The following ACKR5 variants were observed in gnomAD, a reference collection of about 807,000 sequenced individuals.
The protein encoded by ACKR5 is atypical chemokine receptor 5.
the ACKR5 span, chr12:56,996,747 A>C: frequency 6.9e-6 from 2 of 288,826 alleles, no homozygotes; most frequent in Non-Finnish European, 1.3e-5. Flanking sequence ...GAGGCTAAAG[A>C]GGTGCTCGGC....
At chr12:56,995,405 G>T in the ACKR5 span, 4 of 1,614,100 alleles carry the variant, frequency 2.5e-6, no homozygotes, top group East Asian at 2.2e-5. The surrounding 1 kb of genome is among the most constrained non-coding windows in gnomAD (Gnocchi z 4.7). Context: ...CATGTTTGTG[G>T]TTGGGCTGGT....
the ACKR5 span, chr12:56,996,759 G>A: frequency 3.9e-6 from 1 of 256,310 alleles, no homozygotes; most frequent in Non-Finnish European, 7.4e-6. Context: ...GTGCTCGGCA[G>A]AGGAAACTAG....
At chr12:56,995,366 C>A in the ACKR5 span, 2 of 1,614,210 alleles carry the variant, frequency 1.2e-6, no homozygotes, top group Non-Finnish European at 1.7e-6. The surrounding 1 kb of genome is among the most constrained non-coding windows in gnomAD (Gnocchi z 4.7). Flanking sequence ...GAGCACCAAG[C>A]GCGTGGTCCT....
chr12:56,994,757 C>CGTGT, the ACKR5 span: 2 of 176,898 alleles, frequency 1.1e-5, no homozygotes, highest in Non-Finnish European at 2.4e-5. Flanking sequence ...GTGTGGTGTG[C>CGTGT]GTGTGTGTGT....
chr12:56,995,894 C>A, the ACKR5 span: 1 of 1,612,204 alleles, frequency 6.2e-7, no homozygotes. The surrounding 1 kb of genome is among the most constrained non-coding windows in gnomAD (Gnocchi z 4.7). Context: ...GGGCTTCCTG[C>A]TGCCCTTCCC....
chr12:56,996,469 G>A, the ACKR5 span: 1 of 1,516,960 alleles, frequency 6.6e-7, no homozygotes, highest in Non-Finnish European at 8.8e-7. Flanking sequence ...AGGCACAGGT[G>A]AGAGTATAGG....
chr12:56,997,601 T>A, the ACKR5 span: 4 of 152,348 alleles, frequency 2.6e-5, no homozygotes, highest in Admixed American at 2.6e-4. Context: ...ACCCTGTCCA[T>A]GAAGAACTCT....
At chr12:56,996,245 G>A in the ACKR5 span, 1 of 1,614,142 alleles carries the variant, frequency 6.2e-7, no homozygotes, top group Non-Finnish European at 8.5e-7. Context: ...CCAGACCAAG[G>A]CGGGCACATG....
the ACKR5 span, chr12:56,998,372 A>G: frequency 6.6e-6 from 1 of 152,162 alleles, no homozygotes; most frequent in Non-Finnish European, 1.5e-5. Context: ...ATCACTCCCT[A>G]ACTTCTTGAG....
At chr12:56,995,424 T>G in the ACKR5 span, 1 of 1,614,190 alleles carries the variant, frequency 6.2e-7, no homozygotes, top group Non-Finnish European at 8.5e-7. This position sits in a 1 kb window ranked among gnomAD's most constrained non-coding sequence, Gnocchi z 4.7. Context: ...GTGGAGAACC[T>G]CCTGGTGATA....
the ACKR5 span, chr12:56,995,722 G>A: frequency 6.2e-7 from 1 of 1,613,788 alleles, no homozygotes; most frequent in Non-Finnish European, 8.5e-7. The surrounding 1 kb of genome is among the most constrained non-coding windows in gnomAD (Gnocchi z 4.7). Context: ...GAGTGCGGCG[G>A]GCCATGTGTG....
At chr12:56,998,634 T>C in the ACKR5 span, among the ~76,000 whole-genome samples, 38 of 152,200 alleles carry the variant, frequency 2.5e-4, no homozygotes, top group African/African-American at 5.5e-4. Flanking sequence ...CCTGAAAAGT[T>C]TGAGTCTTTG....
chr12:56,995,764 G>A, the ACKR5 span: 202 of 1,613,794 alleles, frequency 1.3e-4, no homozygotes, highest in South Asian at 6.4e-4. The surrounding 1 kb of genome is among the most constrained non-coding windows in gnomAD (Gnocchi z 4.7). Flanking sequence ...CCATCATCCC[G>A]CTGCCTGAGG....
At chr12:56,997,931 C>T in the ACKR5 span, 1 of 152,222 alleles carries the variant, frequency 6.6e-6, no homozygotes, top group Non-Finnish European at 1.5e-5. Flanking sequence ...TGGGCCCAAA[C>T]CTGAAAGGGT....
the ACKR5 span, chr12:56,995,704 C>G: frequency 6.2e-7 from 1 of 1,613,852 alleles, no homozygotes; most frequent in Non-Finnish European, 8.5e-7. The surrounding 1 kb of genome is among the most constrained non-coding windows in gnomAD (Gnocchi z 4.7). Flanking sequence ...GGCAGCGTTA[C>G]CAGCACCGAG....
the ACKR5 span, chr12:56,995,869 G>A: frequency 6.2e-7 from 1 of 1,612,800 alleles, no homozygotes. The surrounding 1 kb of genome is among the most constrained non-coding windows in gnomAD (Gnocchi z 4.7). Context: ...CGGTGGCCCT[G>A]TCCACCACCA....
At chr12:56,995,299 C>T in the ACKR5 span, 123 of 1,614,174 alleles carry the variant, frequency 7.6e-5, no homozygotes, top group African/African-American at 1.9e-4. This position sits in a 1 kb window ranked among gnomAD's most constrained non-coding sequence, Gnocchi z 4.7. Context: ...ACAACTGGAC[C>T]GAGCTGCTTG....
chr12:56,995,962 C>G, the ACKR5 span: 2 of 1,611,830 alleles, frequency 1.2e-6, no homozygotes, highest in Admixed American at 1.7e-5. This position sits in a 1 kb window ranked among gnomAD's most constrained non-coding sequence, Gnocchi z 4.7. Flanking sequence ...CAGGACAACC[C>G]AAGAGCCGGC....
the ACKR5 span, chr12:56,996,652 A>G: frequency 1.7e-5 from 8 of 482,612 alleles, no homozygotes; most frequent in Admixed American, 3.8e-5. Flanking sequence ...AATGCAGAAA[A>G]AAAGGTGAAA....
Sources: gnomAD v4.1 joint callset for allele counts (sites outside exome capture counted in the v4.1 genomes callset) on GRCh38, gnomAD v4.1.1 for gene constraint, Gnocchi (gnomAD v3.1) non-coding constraint, MANE v1.5 for transcripts, NCBI Gene and HGNC (gene_info 2026-07-23, HGNC 2026-07-21) for gene names.